The following GABRG3 variants were observed in gnomAD, a reference collection of about 807,000 sequenced individuals.
GABRG3 encodes gamma-aminobutyric acid receptor subunit gamma-3.
A neutral mutation model predicts 48.8 loss-of-function variants in GABRG3; 25 were observed. The ratio of observed to expected loss-of-function variants is 0.51; its 90% CI spans 0.37 to 0.72. The LOEUF (loss-of-function observed/expected upper bound fraction) is 0.72, where lower values mean the gene tolerates loss of function less well. GABRG3 is among the 30% of genes least tolerant of loss of function. The probability of loss-of-function intolerance (pLI) is 0.00; values close to 1 mark genes in which losing one functional copy is unlikely to be tolerated. For missense variants in GABRG3, 394 were observed against 577.9 expected (o/e 0.68, Z 3.26); for synonymous variants, 227 against 217.6 (o/e 1.04, Z -0.38).
chr15:27,498,818 A>C (rs757148844), intron 6 of GABRG3, among the ~76,000 whole-genome samples: 3 of 152,124 alleles, frequency 2.0e-5, no homozygotes, highest in Non-Finnish European at 4.4e-5. Flanking sequence ...ATGTGGGTTC[A>C]TCTTTGACTC....
intron 3 of GABRG3, among the ~76,000 whole-genome samples, chr15:27,028,533 A>G (rs1896023612): frequency 6.6e-6 from 1 of 152,196 alleles, no homozygotes; most frequent in South Asian, 2.1e-4. Flanking sequence ...CAGGCCGGGC[A>G]CAGTGGCTCA....
At chr15:27,004,116 G>A (rs1055439020) in intron 2 of GABRG3, among the ~76,000 whole-genome samples, 4 of 150,326 alleles carry the variant, frequency 2.7e-5, no homozygotes, top group South Asian at 2.1e-4. Context: ...GCGGCTGGCC[G>A]GGCGGGGGGC....
chr15:27,261,078 T>G (rs573364895), intron 3 of GABRG3, among the ~76,000 whole-genome samples: 2 of 152,168 alleles, frequency 1.3e-5, no homozygotes, highest in Non-Finnish European at 2.9e-5. Flanking sequence ...ATTTTCAACT[T>G]TAAAAACAAA....
At chr15:27,213,925 G>A (rs1366243534) in intron 3 of GABRG3, among the ~76,000 whole-genome samples, 6 of 152,166 alleles carry the variant, frequency 3.9e-5, no homozygotes, top group African/African-American at 1.4e-4. Context: ...TCAGCGAAGG[G>A]GGAAACTCAG....
At chr15:27,317,442 C>A (rs1373935666) in intron 3 of GABRG3, among the ~76,000 whole-genome samples, 2 of 152,200 alleles carry the variant, frequency 1.3e-5, no homozygotes, top group Non-Finnish European at 2.9e-5. Context: ...CCTTTGATGG[C>A]CACTGTTTCT....
intron 3 of GABRG3, among the ~76,000 whole-genome samples, chr15:27,285,178 GT>G (rs1891565806): frequency 6.6e-6 from 1 of 151,778 alleles, no homozygotes; most frequent in African/African-American, 2.4e-5. Flanking sequence ...TTAGACTGAA[GT>G]TTTTCTATAA....
intron 3 of GABRG3, among the ~76,000 whole-genome samples, chr15:27,288,876 T>C (rs1005223635): frequency 1.3e-5 from 2 of 152,228 alleles, no homozygotes; most frequent in Admixed American, 1.3e-4. Flanking sequence ...CTCTTGGCAA[T>C]GAATTCTTTT....
intron 3 of GABRG3, among the ~76,000 whole-genome samples, chr15:27,074,642 CTT>C (rs879765295): frequency 2.8e-4 from 40 of 143,224 alleles, no homozygotes; most frequent in African/African-American, 7.3e-4. Flanking sequence ...ATAGCATTTA[CTT>C]TTTTTTTTTT....
At chr15:27,322,517 T>C (rs1379762204) in intron 3 of GABRG3, among the ~76,000 whole-genome samples, 1 of 151,998 alleles carries the variant, frequency 6.6e-6, no homozygotes, top group Non-Finnish European at 1.5e-5. Context: ...AAAAGTAAGA[T>C]AGAGAAATGA....
chr15:27,313,240 A>ATATATG lies in GABRG3; in HGVS notation c.271-13568_271-13567insATATGT, dbSNP rs1218660438. On this transcript the variant is annotated intron_variant, in intron 3 of 9. Transcript: ENST00000615808. Reference sequence around the variant, plus strand: ...TGTATATATATACGTATATGTATATATGTGTGTGTGTGTGTGTGTGTGTAT... The same window carrying ATATATG: ...TGTATATATATACGTATATGTATATATATATGTGTGTGTGTGTGTGTGTGTGTGTAT... 4.2e-4 allele frequency among the ~76,000 whole-genome samples: 24 copies of ATATATG among 56,874 alleles called. 2 individuals are homozygous for ATATATG. Among genetic ancestry groups the ATATATG allele is most frequent in the African/African-American group, 1.5e-3 (23 of 14,988 alleles). The allele number at this position is 56,874 out of a possible 152,430, so 37.3% of individuals were successfully genotyped here. A position where few individuals can be genotyped will look rare whatever the true frequency, so the allele number is the denominator to read the frequency against.
chr15:27,000,052 A>G (rs1034652544), intron 2 of GABRG3, among the ~76,000 whole-genome samples: 2 of 152,150 alleles, frequency 1.3e-5, no homozygotes, highest in Non-Finnish European at 2.9e-5. Context: ...GACTCTAATT[A>G]TCTTTGCTTC....
chr15:27,010,287 T>C (rs1405995463), intron 2 of GABRG3, among the ~76,000 whole-genome samples: 1 of 152,196 alleles, frequency 6.6e-6, no homozygotes, highest in East Asian at 1.9e-4. Flanking sequence ...GTCCTCTCTC[T>C]GTTTGTGCTT....
At chr15:27,464,716 T>C (rs1889550701) in intron 5 of GABRG3, among the ~76,000 whole-genome samples, 1 of 152,230 alleles carries the variant, frequency 6.6e-6, no homozygotes, top group Non-Finnish European at 1.5e-5. Flanking sequence ...CTAATGATGC[T>C]AAACATCTTT....
At chr15:27,163,244 A>G (rs1902098) in intron 3 of GABRG3, among the ~76,000 whole-genome samples, 23,123 of 152,082 alleles carry the variant, frequency 0.15, 1,984 homozygotes, top group Admixed American at 0.25. Flanking sequence ...TCATGCCTGT[A>G]GTTCCAACAC....
intron 3 of GABRG3, among the ~76,000 whole-genome samples, chr15:27,066,708 G>A (rs999439240): frequency 3.3e-5 from 5 of 152,084 alleles, no homozygotes; most frequent in African/African-American, 1.2e-4. Context: ...GAGGTCATAT[G>A]TGGGTCACTT....
chr15:27,131,721 A>G (rs183179272), intron 3 of GABRG3, among the ~76,000 whole-genome samples: 2 of 151,990 alleles, frequency 1.3e-5, no homozygotes, highest in African/African-American at 2.4e-5. Flanking sequence ...AGGAACAGCC[A>G]TACTGTTTTC....
At chr15:27,442,804 G>T (rs1792253741) in intron 5 of GABRG3, among the ~76,000 whole-genome samples, 1 of 152,144 alleles carries the variant, frequency 6.6e-6, no homozygotes, top group Admixed American at 6.5e-5. Flanking sequence ...TATTTCAGAG[G>T]AATAGAGAAA....
At chr15:27,064,174 C>G (rs1044611449) in intron 3 of GABRG3, among the ~76,000 whole-genome samples, 2 of 152,180 alleles carry the variant, frequency 1.3e-5, no homozygotes, top group African/African-American at 4.8e-5. Flanking sequence ...CGCAGCCTCT[C>G]CCCAGGAGGG....
At chr15:27,200,729 A>G (rs992010663) in intron 3 of GABRG3, among the ~76,000 whole-genome samples, 3 of 152,184 alleles carry the variant, frequency 2.0e-5, no homozygotes, top group Admixed American at 6.5e-5. Context: ...CTTATGTGCA[A>G]TGATGGGTAT....
Sources: allele counts gnomAD v4.1 joint callset (sites outside exome capture counted in the v4.1 genomes callset), GRCh38; gene constraint gnomAD v4.1.1; transcripts MANE v1.5; gene names NCBI Gene and HGNC (gene_info 2026-07-23, HGNC 2026-07-21).